Variants in MFSD8 observed in about 807,000 individuals in gnomAD.
The protein encoded by MFSD8 is major facilitator superfamily domain containing 8.
MFSD8 carries 55 observed loss-of-function variants against 66.4 expected under a neutral mutation model. The ratio of observed to expected loss-of-function variants is 0.83; its 90% confidence interval spans 0.67 to 1.04. The LOEUF (loss-of-function observed/expected upper bound fraction) is 1.04. Among genes scored for constraint, MFSD8 ranks in the 50% least tolerant of loss-of-function variants. The pLI is 0.00. For synonymous variants in MFSD8, 202 were observed against 212.8 expected (o/e 0.95, Z 0.44); for missense variants, 550 against 627.6 (o/e 0.88, Z 1.32).
At chr4:127,944,668 AT>A (rs1011485724) in intron 3 of MFSD8, among the ~76,000 whole-genome samples, 3 of 149,650 alleles carry the variant, frequency 2.0e-5, no homozygotes, top group African/African-American at 2.4e-5. Flanking sequence ...TTTTATTTTT[AT>A]TTTTTTTTTG....
At chr4:127,940,801 T>A (rs545304151) in intron 5 of MFSD8, among the ~76,000 whole-genome samples, 1 of 152,050 alleles carries the variant, frequency 6.6e-6, no homozygotes, top group African/African-American at 2.4e-5. Context: ...TGATTTAGAT[T>A]CAATATGTGG....
intron 7 of MFSD8, among the ~76,000 whole-genome samples, chr4:127,935,142 C>A (rs967335370): frequency 2.6e-5 from 4 of 152,190 alleles, no homozygotes; most frequent in African/African-American, 4.8e-5. Context: ...TTTGTAATCA[C>A]ACAAAGAGAA....
intron 2 of MFSD8, 116 bp from the exon 3 acceptor site, chr4:127,949,963 T>G (rs950438969): frequency 2.6e-6 from 2 of 778,212 alleles, no homozygotes; most frequent in Non-Finnish European, 2.1e-6. Flanking sequence ...AATCTATGCA[T>G]ACAAATGCCT....
chr4:127,947,992 G>C (rs182891788), intron 3 of MFSD8, among the ~76,000 whole-genome samples: 27 of 152,138 alleles, frequency 1.8e-4, no homozygotes, highest in African/African-American at 6.5e-4. Context: ...AGAGTTAAGA[G>C]GAAAGCCAGG....
intron 2 of MFSD8, among the ~76,000 whole-genome samples, chr4:127,952,261 C>T (rs1182209310): frequency 6.6e-6 from 1 of 151,360 alleles, no homozygotes; most frequent in African/African-American, 2.4e-5. Context: ...AAAAATTATC[C>T]GGGTGTAGCG....
chr4:127,929,479 T>C (rs1737787367), intron 9 of MFSD8, among the ~76,000 whole-genome samples: 1 of 150,440 alleles, frequency 6.6e-6, no homozygotes, highest in African/African-American at 2.5e-5. Flanking sequence ...TCCTAACTAC[T>C]CATGAAGCTG....
intron 8 of MFSD8, among the ~76,000 whole-genome samples, chr4:127,931,252 C>T (rs1000055227): frequency 6.6e-6 from 1 of 152,152 alleles, no homozygotes; most frequent in Non-Finnish European, 1.5e-5. Flanking sequence ...CTCTTTGCCT[C>T]TCAATGTCTC....
At chr4:127,965,246 A>T, upstream of MFSD8, 2 of 1,348,900 alleles carry the variant, frequency 1.5e-6, no homozygotes, top group Non-Finnish European at 2.1e-6. Context: ...TGCGCACCTG[A>T]CGGTCAGACG....
rs1015286760 is a variant in MFSD8 at position 127,964,884 on chromosome 4, T to C, written c.62+188A>G. 7 of 702,820 alleles carry C rather than the reference T, an allele frequency of 1.0e-5. No individual in the cohort carries two copies. In the South Asian group the frequency reaches 1.0e-4, roughly 10 times the overall value. 43.5% of individuals were successfully genotyped at this position (702,820 alleles called of 1,614,324 possible). ...AACCCACGGGCTCATCACCGCACGG[T>C]GCGGCCAGACGCCCTTTCTCCTACG... On this transcript the variant is annotated intron_variant, in intron 1 of 11. Coordinates refer to ENST00000641686, the MANE Select transcript of MFSD8 (RefSeq NM_001371596.2).
chr4:127,962,161 G>C (rs1284716358), intron 1 of MFSD8, among the ~76,000 whole-genome samples: 1 of 152,158 alleles, frequency 6.6e-6, no homozygotes, highest in Non-Finnish European at 1.5e-5. Flanking sequence ...TACTTAAAAA[G>C]TATAGCAACG....
At chr4:127,947,308 T>G (rs941443204) in intron 3 of MFSD8, among the ~76,000 whole-genome samples, 1 of 152,008 alleles carries the variant, frequency 6.6e-6, no homozygotes, top group Non-Finnish European at 1.5e-5. Flanking sequence ...GTGAATCGCT[T>G]GAACCCAGGA....
rs559139810 is a variant in MFSD8, at chr4:127,961,853, T to C, written c.62+3219A>G. 6.0e-5 allele frequency among the ~76,000 whole-genome samples: 9 copies of C among 149,014 alleles called. No homozygotes were observed. In the East Asian group the frequency reaches 1.8e-3, roughly 29 times the overall value. On this transcript the variant is annotated intron_variant, in intron 1 of 11. Transcript: ENST00000641686. ...AAAAAAAAAAAAAAGAATTTCTGAG[T>C]TCTGAGAAAACCAAATGTCATGAAG...
At chr4:127,959,566 A>T (rs905642096) in intron 1 of MFSD8, among the ~76,000 whole-genome samples, 1 of 152,174 alleles carries the variant, frequency 6.6e-6, no homozygotes, top group African/African-American at 2.4e-5. Context: ...GCTGCAATTA[A>T]GTACTTGGGA....
At chr4:127,929,853 T>C (rs1405326322) in intron 9 of MFSD8, among the ~76,000 whole-genome samples, 5 of 152,194 alleles carry the variant, frequency 3.3e-5, no homozygotes, top group Non-Finnish European at 4.4e-5. Context: ...AAAGTGATGG[T>C]ATCCCAATTA....
intron 1 of MFSD8, among the ~76,000 whole-genome samples, chr4:127,959,573 G>A (rs1246615454): frequency 6.6e-6 from 1 of 152,170 alleles, no homozygotes; most frequent in East Asian, 1.9e-4. Flanking sequence ...TTAAGTACTT[G>A]GGACAAAGTA....
intron 2 of MFSD8, among the ~76,000 whole-genome samples, chr4:127,951,048 A>G (rs1741861561): frequency 6.6e-6 from 1 of 150,876 alleles, no homozygotes. Flanking sequence ...TGAGAGTGAG[A>G]CTCTGTCTCA....
At chr4:127,931,096 A>C (rs1333930532) in intron 8 of MFSD8, among the ~76,000 whole-genome samples, 2 of 152,200 alleles carry the variant, frequency 1.3e-5, no homozygotes, top group Non-Finnish European at 2.9e-5. Flanking sequence ...AAGGAAAAGG[A>C]AACAAGCCAC....
chr4:127,917,965 C>T lies in MFSD8; in HGVS notation c.*2665G>A, dbSNP rs1177981308. The T allele has an allele frequency of 1.3e-5, 2 of 151,992 alleles. No homozygotes were observed. Among genetic ancestry groups the T allele is most frequent in the South Asian group, 4.2e-4 (2 of 4,810 alleles). 9.4% of individuals were successfully genotyped at this position (151,992 alleles called of 1,614,324 possible). ...AACAGATGCAGGTAAGTAGTTTATCCTTGTCAAAACAAAAAATTAACAGAT... is the reference window on the plus strand; with the variant it reads ...AACAGATGCAGGTAAGTAGTTTATCTTTGTCAAAACAAAAAATTAACAGAT... On this transcript the variant is annotated 3_prime_UTR_variant, in exon 12 of 12. Coordinates refer to ENST00000641686, the MANE Select transcript of MFSD8 (RefSeq NM_001371596.2).
chr4:127,965,384 C>T, upstream of MFSD8: 1 of 592,404 alleles, frequency 1.7e-6, no homozygotes, highest in Non-Finnish European at 3.0e-6. Context: ...ACTGAGAGCC[C>T]AGGAGAGCTC....
Sources: allele counts gnomAD v4.1 joint callset (sites outside exome capture counted in the v4.1 genomes callset), GRCh38; gene constraint gnomAD v4.1.1; transcripts MANE v1.5; gene names NCBI Gene and HGNC (gene_info 2026-07-23, HGNC 2026-07-21).